Variants in TP63 observed in about 807,000 individuals in gnomAD.
TP63 encodes tumor protein p63, also known as tumor protein 63.
A neutral mutation model predicts 82.8 loss-of-function variants in TP63; 17 were observed. That is an observed-to-expected ratio of 0.21 (90% CI 0.14 to 0.31). The LOEUF (loss-of-function observed/expected upper bound fraction) is 0.31. Ranked by LOEUF, TP63 falls within the 10% of genes least tolerant of loss-of-function variation. The probability of loss-of-function intolerance (pLI) is 1.00; values close to 1 mark genes in which losing one functional copy is unlikely to be tolerated. For missense variants in TP63, 648 were observed against 895.3 expected (o/e 0.72, Z 3.52); for synonymous variants, 330 against 321.7 (o/e 1.03, Z -0.28).
rs114146454 is a variant in TP63, at chr3:189,826,235, A to G, written c.579+17709A>G. ...AGGCAAGGACAAATGTTATCCTCTG[A>G]CTTGGAAAATTCAAAAGAAGCATTT... On this transcript the variant is annotated intron_variant, in intron 4 of 13. Coordinates refer to ENST00000264731, the MANE Select transcript of TP63 (RefSeq NM_003722.5). Among the ~76,000 whole-genome samples the G allele has an allele frequency of 3.7e-3, 563 of 152,330 alleles. 3 individuals are homozygous for G. Among genetic ancestry groups the G allele is most frequent in the African/African-American group, 0.013 (541 of 41,574 alleles).
At chr3:189,671,694 A>G (rs1206309135) in intron 1 of TP63, among the ~76,000 whole-genome samples, 2 of 152,154 alleles carry the variant, frequency 1.3e-5, no homozygotes, top group East Asian at 3.8e-4. Context: ...ACACAATGGA[A>G]TACTATTCAG....
At chr3:189,628,918 A>G (rs1473481184), upstream of TP63, among the ~76,000 whole-genome samples, 4 of 152,078 alleles carry the variant, frequency 2.6e-5, no homozygotes, top group African/African-American at 7.2e-5. Flanking sequence ...CCATAATGCA[A>G]TAGGAGCCAA....
At chr3:189,657,870 A>T (rs1041622649) in intron 1 of TP63, among the ~76,000 whole-genome samples, 3 of 152,026 alleles carry the variant, frequency 2.0e-5, no homozygotes, top group Admixed American at 2.0e-4. Flanking sequence ...ATGTCCCAGG[A>T]GCAAAGGGCA....
intron 1 of TP63, among the ~76,000 whole-genome samples, chr3:189,670,315 C>G (rs1714780665): frequency 1.3e-5 from 2 of 152,002 alleles, no homozygotes; most frequent in African/African-American, 2.4e-5. Context: ...TACCAACCAA[C>G]TTGAACCAAT....
chr3:189,835,304 T>C (rs1712972179), intron 4 of TP63, among the ~76,000 whole-genome samples: 1 of 152,304 alleles, frequency 6.6e-6, no homozygotes, highest in Non-Finnish European at 1.5e-5. Context: ...AGAGAATAAA[T>C]TATAGTTTAT....
At chr3:189,653,958 G>A (rs1459323508) in intron 1 of TP63, among the ~76,000 whole-genome samples, 1 of 152,140 alleles carries the variant, frequency 6.6e-6, no homozygotes, top group Non-Finnish European at 1.5e-5. Context: ...GTGCTTAGGG[G>A]AGAAATAATT....
intron 4 of TP63, among the ~76,000 whole-genome samples, chr3:189,837,400 A>G (rs1014512408): frequency 1.5e-5 from 2 of 137,556 alleles, no homozygotes; most frequent in African/African-American, 5.3e-5. Context: ...GATGATGAGC[A>G]TATGGAATTA....
intron 3 of TP63, among the ~76,000 whole-genome samples, chr3:189,742,666 A>G (rs1197369826): frequency 6.6e-6 from 1 of 152,258 alleles, no homozygotes; most frequent in Non-Finnish European, 1.5e-5. Flanking sequence ...AGATTCATAT[A>G]TATTTCAAGC....
intron 4 of TP63, among the ~76,000 whole-genome samples, chr3:189,848,525 C>A (rs1162794017): frequency 6.6e-6 from 1 of 152,018 alleles, no homozygotes; most frequent in African/African-American, 2.4e-5. Flanking sequence ...GGCCCCTGAT[C>A]TAATGTTCTA....
intron 1 of TP63, among the ~76,000 whole-genome samples, chr3:189,700,063 T>C (rs2108737786): frequency 6.6e-6 from 1 of 152,292 alleles, no homozygotes; most frequent in Admixed American, 6.5e-5. Context: ...CTTTAAGAAG[T>C]CTTAGTTGCT....
intron 4 of TP63, among the ~76,000 whole-genome samples, chr3:189,823,811 C>G (rs1377838144): frequency 2.6e-5 from 4 of 152,056 alleles, no homozygotes. Flanking sequence ...GATTTGTAAA[C>G]TAGGAAGTCT....
At chr3:189,822,099 A>G (rs1340269170) in intron 4 of TP63, among the ~76,000 whole-genome samples, 1 of 152,118 alleles carries the variant, frequency 6.6e-6, no homozygotes, top group South Asian at 2.1e-4. Context: ...CGGCTTCCTC[A>G]CCTTTCAAAT....
intron 1 of TP63, among the ~76,000 whole-genome samples, chr3:189,665,165 G>T (rs752768147): frequency 8.6e-5 from 13 of 151,992 alleles, no homozygotes; most frequent in Non-Finnish European, 1.9e-4. Context: ...ACTACCACCC[G>T]TGGTTTTCTT....
At chr3:189,760,040 A>C (rs947737691) in intron 3 of TP63, among the ~76,000 whole-genome samples, 1 of 152,168 alleles carries the variant, frequency 6.6e-6, no homozygotes, top group Non-Finnish European at 1.5e-5. Context: ...CACTGGAAAG[A>C]CCCGCCCCTA....
At chr3:189,754,030 CAG>C (rs1273277846) in intron 3 of TP63, among the ~76,000 whole-genome samples, 1 of 152,054 alleles carries the variant, frequency 6.6e-6, no homozygotes, top group Non-Finnish European at 1.5e-5. Flanking sequence ...TTACTTTTGT[CAG>C]AGTAAAGAAC....
intron 3 of TP63, among the ~76,000 whole-genome samples, chr3:189,752,702 T>C (rs1490413909): frequency 1.3e-5 from 2 of 152,072 alleles, no homozygotes; most frequent in Non-Finnish European, 2.9e-5. Context: ...TTTCTTTGGG[T>C]TTATGTTTTT....
At chr3:189,749,087 A>G (rs944786598) in intron 3 of TP63, among the ~76,000 whole-genome samples, 1 of 152,140 alleles carries the variant, frequency 6.6e-6, no homozygotes, top group Non-Finnish European at 1.5e-5. Flanking sequence ...AGAAGAAAAC[A>G]TAGAACACTT....
chr3:189,853,137 A>G (rs957421890), intron 4 of TP63, among the ~76,000 whole-genome samples: 4 of 151,934 alleles, frequency 2.6e-5, no homozygotes, highest in African/African-American at 9.7e-5. Flanking sequence ...GGTCTAAGCC[A>G]CTCTCATCTT....
intron 1 of TP63, among the ~76,000 whole-genome samples, chr3:189,660,754 T>C (rs1384913107): frequency 1.3e-5 from 2 of 152,060 alleles, no homozygotes; most frequent in African/African-American, 2.4e-5. Flanking sequence ...CCGTGTTTTG[T>C]AGTTCTCCTT....
Sources: gnomAD v4.1 joint callset for allele counts (sites outside exome capture counted in the v4.1 genomes callset) on GRCh38, gnomAD v4.1.1 for gene constraint, MANE v1.5 for transcripts, NCBI Gene and HGNC (gene_info 2026-07-23, HGNC 2026-07-21) for gene names.